WDR37: variants seen among roughly 807,000 people sequenced by gnomAD.
WDR37 encodes the protein WD repeat domain 37, also known as WD repeat-containing protein 37.
A neutral mutation model predicts 62.9 loss-of-function variants in WDR37; 19 were observed. That is an observed-to-expected ratio of 0.30 (90% confidence interval 0.21 to 0.44). The LOEUF (loss-of-function observed/expected upper bound fraction) is 0.44, where lower values mean the gene tolerates loss of function less well. Ranked by LOEUF, WDR37 falls within the 20% of genes least tolerant of loss-of-function variation. The pLI is 1.00. For synonymous variants in WDR37, 250 were observed against 260.9 expected (o/e 0.96, Z 0.40); for missense variants, 474 against 657.6 (o/e 0.72, Z 3.05).
chr10:1,105,017 G>C lies in WDR37; in HGVS notation c.962-109G>C. ...GCTGCTGAGTGATTCCATTAGGTCA[G>C]GTTCACAGTCTCAGAGAGACGGCTT... On this transcript the variant is annotated intron_variant, in intron 10 of 13. Transcript: ENST00000263150. This position sits in a 1 kb window ranked among gnomAD's most constrained non-coding sequence, Gnocchi z 5.3. The C allele has an allele frequency of 7.3e-7, 1 of 1,376,872 alleles. No homozygotes were observed. Among genetic ancestry groups the C allele is most frequent in the Non-Finnish European group, 9.8e-7 (1 of 1,017,002 alleles). The allele number at this position is 1,376,872 out of a possible 1,614,324, so 85.3% of individuals were successfully genotyped here.
chr10:1,114,632 T>C (rs1484406549), intron 11 of WDR37, among the ~76,000 whole-genome samples: 1 of 152,256 alleles, frequency 6.6e-6, no homozygotes, highest in Non-Finnish European at 1.5e-5. Context: ...TACTGCGATC[T>C]TCACCTCACA....
At chr10:1,064,552 G>C (rs1186646123) in intron 1 of WDR37, among the ~76,000 whole-genome samples, 4 of 141,060 alleles carry the variant, frequency 2.8e-5, no homozygotes, top group African/African-American at 1.0e-4. Context: ...CACTTGACCT[G>C]TAGTGGGAAA....
At chr10:1,086,934 G>A (rs1454708763) in intron 7 of WDR37, among the ~76,000 whole-genome samples, 1 of 152,156 alleles carries the variant, frequency 6.6e-6, no homozygotes, top group East Asian at 1.9e-4. Context: ...TCCTTCCCCC[G>A]CAGTGCCCTC....
intron 5 of WDR37, among the ~76,000 whole-genome samples, chr10:1,083,587 G>T (rs7080072): frequency 0.083 from 12,582 of 152,250 alleles, 659 homozygotes; most frequent in East Asian, 0.14. Context: ...TCTTACCAAA[G>T]AAAAATTTAA....
rs776022684 is a variant in WDR37, at chr10:1,103,737, G to A, written c.862G>A (p.Asp288Asn). 1.2e-6 allele frequency: 2 copies of A among 1,614,094 alleles called. No individual in the cohort carries two copies. Among genetic ancestry groups the A allele is most frequent in the South Asian group, 1.1e-5 (1 of 91,088 alleles). The part of the protein sequence containing the change: ...KSHQGVVIAS[D>N]WLVGGKQAVT... ...CCACCAGGGCGTGGTCATCGCCTCC[G>A]ACTGGCTGGTTGGGGGGAAGCAGGC... The change falls in exon 10 of 14, where the codon GAC becomes AAC. Residue 288 changes from aspartate to asparagine, a missense_variant. Physicochemically the swap from Asp to Asn is conservative, Grantham distance 23. Transcript: ENST00000263150. This position sits in a 1 kb window ranked among gnomAD's most constrained non-coding sequence, Gnocchi z 6.3.
intron 13 of WDR37, among the ~76,000 whole-genome samples, chr10:1,126,556 TC>T (rs1835788067): frequency 6.6e-6 from 1 of 152,192 alleles, no homozygotes; most frequent in South Asian, 2.1e-4. Context: ...ATGGATTTGT[TC>T]CCCGAGGCCT....
intron 11 of WDR37, among the ~76,000 whole-genome samples, chr10:1,106,522 G>A (rs1005092681): frequency 1.3e-5 from 2 of 152,170 alleles, no homozygotes; most frequent in Non-Finnish European, 2.9e-5. Context: ...TTGTTTGTTT[G>A]TTTGTTTGTT....
intron 11 of WDR37, among the ~76,000 whole-genome samples, chr10:1,118,744 G>A (rs1004559851): frequency 7.4e-5 from 11 of 149,222 alleles, no homozygotes; most frequent in Middle Eastern, 3.4e-3. Flanking sequence ...AGACTATTTC[G>A]TGTGTGTGTG....
At position 1,103,811 on chromosome 10, in the gene WDR37, G is replaced by C; in HGVS notation, c.936G>C (p.Thr312=). ...DRTANLYDVE[T]SELVHSLTGH... ...CGGCAAACCTGTACGACGTGGAGAC[G>C]TCCGAGCTCGTTCACTCTCTGACAG... The change falls in exon 10 of 14, where the codon ACG becomes ACC. Residue 312 remains threonine (T), a synonymous_variant. Transcript: ENST00000263150. The surrounding 1 kb of genome is among the most constrained non-coding windows in gnomAD (Gnocchi z 6.3). The C allele has an allele frequency of 6.2e-7, 1 of 1,614,184 alleles. No homozygotes were observed. Among genetic ancestry groups the C allele is most frequent in the South Asian group, 1.1e-5 (1 of 91,076 alleles).
At chr10:1,125,139 C>G in intron 13 of WDR37, 115 bp downstream of exon 13, 1 of 1,466,798 alleles carries the variant, frequency 6.8e-7, no homozygotes, top group Non-Finnish European at 9.1e-7. Context: ...CTTGGAAATG[C>G]TTGAGCTGTA....
At chr10:1,074,426 C>T (rs969215532) in intron 2 of WDR37, 21 of 1,304,124 alleles carry the variant, frequency 1.6e-5, no homozygotes, top group Non-Finnish European at 2.1e-5. Flanking sequence ...CACCTTTGGC[C>T]TGTGTCTCCC....
chr10:1,127,591 T>C (rs1342010994), intron 13 of WDR37, among the ~76,000 whole-genome samples: 4 of 152,114 alleles, frequency 2.6e-5, no homozygotes, highest in African/African-American at 9.7e-5. Context: ...CTGGAGTAGG[T>C]GTCACTTCCC....
Position 1,093,939 on chromosome 10 carries a change from G to A in WDR37, c.649+443G>A, listed in dbSNP as rs553432470. 2.2e-4 allele frequency among the ~76,000 whole-genome samples: 34 copies of A among 152,332 alleles called. No homozygotes were observed. In the South Asian group the frequency reaches 5.8e-3, roughly 26 times the overall value. ...TCTTTCTGGGTAATTTATCTAACCC[G>A]TGGTAGCTTGGATTTGCTATAATTT... On this transcript the variant is annotated intron_variant, in intron 8 of 13. Coordinates refer to ENST00000263150, the MANE Select transcript of WDR37 (RefSeq NM_014023.4).
Position 1,105,808 on chromosome 10 carries a change from C to A in WDR37, c.1103+541C>A, listed in dbSNP as rs1039345161. Among the ~76,000 whole-genome samples, 4 of 151,956 alleles carry A rather than the reference C, an allele frequency of 2.6e-5. No homozygotes were observed. Among genetic ancestry groups the A allele is most frequent in the African/African-American group, 9.7e-5 (4 of 41,360 alleles). ...AGTGTAAGGTCTTTTTTTTCTGAGA[C>A]GGAGTCTCGCTCTGTCGCCCAGGCT... On this transcript the variant is annotated intron_variant, in intron 11 of 13. Transcript: ENST00000263150. The surrounding 1 kb of genome is among the most constrained non-coding windows in gnomAD (Gnocchi z 5.3).
chr10:1,098,268 A>G (rs992387769), intron 9 of WDR37, among the ~76,000 whole-genome samples: 1 of 141,608 alleles, frequency 7.1e-6, no homozygotes, highest in Admixed American at 7.1e-5. Context: ...CAGACAGCTC[A>G]CCCTTATGGC....
intron 11 of WDR37, among the ~76,000 whole-genome samples, chr10:1,111,622 A>G (rs1835220476): frequency 6.6e-6 from 1 of 152,058 alleles, no homozygotes; most frequent in South Asian, 2.1e-4. Context: ...TTTCCTTTTG[A>G]TGTGTCTTAT....
intron 1 of WDR37, among the ~76,000 whole-genome samples, chr10:1,066,952 C>T (rs941889297): frequency 6.6e-6 from 1 of 152,142 alleles, no homozygotes; most frequent in African/African-American, 2.4e-5. Flanking sequence ...CTTACTATCA[C>T]GAGAACAGCA....
chr10:1,059,633 C>G (rs765087444), intron 1 of WDR37, among the ~76,000 whole-genome samples: 9 of 151,708 alleles, frequency 5.9e-5, no homozygotes, highest in Admixed American at 1.3e-4. Flanking sequence ...CCCGTATCTA[C>G]TGAAAATACA....
At chr10:1,068,208 G>A (rs960002125) in intron 1 of WDR37, among the ~76,000 whole-genome samples, 2 of 152,080 alleles carry the variant, frequency 1.3e-5, no homozygotes, top group South Asian at 2.1e-4. Flanking sequence ...TAGGCCGGGC[G>A]CGGTGGCTGA....
Sources: gnomAD v4.1 joint callset for allele counts (sites outside exome capture counted in the v4.1 genomes callset) on GRCh38, gnomAD v4.1.1 for gene constraint, Gnocchi (gnomAD v3.1) non-coding constraint, MANE v1.5 for transcripts, NCBI Gene and HGNC (gene_info 2026-07-23, HGNC 2026-07-21) for gene names.